Variants in PRDX4 observed in about 807,000 individuals in gnomAD.
PRDX4 encodes peroxiredoxin 4.
Under a neutral mutation model 20.5 loss-of-function variants are expected in PRDX4, and 12 were observed. That is an observed-to-expected ratio of 0.58 (90% CI 0.37 to 0.95). PRDX4 has a LOEUF of 0.95. Ranked by LOEUF, PRDX4 falls within the 40% of genes least tolerant of loss-of-function variation. The probability of loss-of-function intolerance (pLI) is 0.01; values close to 1 mark genes in which losing one functional copy is unlikely to be tolerated. For missense variants in PRDX4, 180 were observed against 207.3 expected (o/e 0.87, Z 0.81); for synonymous variants, 99 against 87.5 (o/e 1.13, Z -0.73).
intron 6 of PRDX4, among the ~76,000 whole-genome samples, chrX:23,685,251 G>C (rs1367335115): frequency 8.9e-6 from 1 of 112,188 alleles, no homozygotes; most frequent in Admixed American, 9.5e-5. Context: ...TGTGATTGGA[G>C]ATGATGTTTT....
chrX:23,669,249 G>C (rs775804062), intron 1 of PRDX4, among the ~76,000 whole-genome samples: 4 of 112,163 alleles, frequency 3.6e-5, no homozygotes, highest in Non-Finnish European at 7.5e-5. Context: ...AACAAAACCA[G>C]TCTTAAATTT....
Position 23,671,592 on chromosome X carries a change from A to T in PRDX4, c.305A>T (p.Lys102Met), listed in dbSNP as rs768526390. The T allele has an allele frequency of 2.5e-6, 3 of 1,207,334 alleles. No individual in the cohort carries two copies. Among genetic ancestry groups the T allele is most frequent in the Non-Finnish European group, 3.4e-6 (3 of 894,201 alleles). Residue 102 changes from lysine (K) to methionine (M), a missense_variant, in exon 2 of 7, where the codon AAG becomes ATG. By Grantham distance (95) the Lys-to-Met change is moderately conservative. Around this residue, in one of 3 missense-constraint regions of PRDX4, gnomAD observed 105 missense variants for 114.2 expected, o/e 0.92. Transcript: ENST00000379341. The part of the protein sequence containing the change: ...AVIDGEFKEL[K>M]LTDYRGKYLV... ...ATCGATGGAGAATTTAAGGAGCTGA[A>T]GTTAACTGATTATCGTGGGAAATAC...
intron 6 of PRDX4, among the ~76,000 whole-genome samples, chrX:23,684,320 C>T (rs982283128): frequency 9.1e-6 from 1 of 110,130 alleles, no homozygotes; most frequent in African/African-American, 3.3e-5. Flanking sequence ...TCTTATAGGT[C>T]ATGTATCGAA....
chrX:23,667,781 G>T lies in PRDX4; in HGVS notation c.211G>T (p.Asp71Tyr), dbSNP rs769435624. 24 of 1,211,422 alleles carry T rather than the reference G, an allele frequency of 2.0e-5. No homozygotes were observed. The East Asian group carries it at 4.4e-4, about 22-fold the overall frequency. Residue 71 changes from aspartate to tyrosine, a missense_variant, in exon 1 of 7, where the codon GAC (aspartate) becomes TAC (tyrosine). This residue lies in a region of PRDX4 where 105 missense variants were observed against 114.2 expected (regional missense o/e 0.92). Transcript: ENST00000379341. ...PGEASRVSVADHSLHLSKAKI... is the reference protein window; with the variant it reads ...PGEASRVSVAYHSLHLSKAKI... ...AGAGGCATCCCGGGTATCGGTCGCC[G>T]ACCACTCCCTGCACCTAAGCAAAGC... is the stretch of plus-strand genomic sequence containing the variant.
At chrX:23,668,931 T>A (rs1601788292) in intron 1 of PRDX4, among the ~76,000 whole-genome samples, 2 of 102,745 alleles carry the variant, frequency 1.9e-5, no homozygotes, top group African/African-American at 3.7e-5. Context: ...TTTTTTTTTT[T>A]ATTTGAGATG....
chrX:23,671,229 G>A (rs1293389756), intron 1 of PRDX4, among the ~76,000 whole-genome samples: 2 of 111,944 alleles, frequency 1.8e-5, no homozygotes, highest in Non-Finnish European at 3.8e-5. Context: ...ATCTTACGTA[G>A]TTGTCAGATT....
At chrX:23,684,427 GATA>G (rs1928146832) in intron 6 of PRDX4, among the ~76,000 whole-genome samples, 1 of 111,527 alleles carries the variant, frequency 9.0e-6, no homozygotes, top group South Asian at 3.7e-4. Flanking sequence ...TAATACTGAA[GATA>G]ATGATTCTCT....
At chrX:23,667,875 C>G (rs903519625) in intron 1 of PRDX4, 64 bp downstream of exon 1, 2 of 1,177,892 alleles carry the variant, frequency 1.7e-6, no homozygotes, top group East Asian at 3.0e-5. Flanking sequence ...CCCGGTTACA[C>G]CCCCGGAATC....
Position 23,682,511 on chromosome X carries a change from G to T in PRDX4, c.715G>T (p.Asp239Tyr). ...LRLVQAFQYT[D>Y]KHGEVCPAGW... is the part of the protein sequence containing the mutation. ...TTTGGTTCAAGCATTCCAGTACACTGACAAACACGGAGAAGGTACCTCTCC... is the reference window on the plus strand; with the variant it reads ...TTTGGTTCAAGCATTCCAGTACACTTACAAACACGGAGAAGGTACCTCTCC... The change falls in exon 5 of 7, where the codon GAC (aspartate) becomes TAC (tyrosine). Residue 239 changes from aspartate to tyrosine, a missense_variant. By Grantham distance (160) the Asp-to-Tyr change is radical (BLOSUM62 -3). This residue lies in a region of PRDX4 where 73 missense variants were observed against 76.5 expected (regional missense o/e 0.95). Coordinates refer to ENST00000379341, the MANE Select transcript of PRDX4 (RefSeq NM_006406.2). The T allele has an allele frequency of 8.6e-7, 1 of 1,165,007 alleles. No homozygotes were observed. The highest frequency in any genetic ancestry group is 1.9e-5 in the South Asian group (1 of 51,499).
intron 4 of PRDX4, among the ~76,000 whole-genome samples, chrX:23,679,755 G>A (rs181123097): frequency 9.1e-6 from 1 of 110,098 alleles, no homozygotes; most frequent in East Asian, 2.9e-4. Context: ...GAGGGGGGCA[G>A]ATCATGATGT....
chrX:23,672,984 T>A (rs1927875517), intron 2 of PRDX4, among the ~76,000 whole-genome samples: 1 of 112,407 alleles, frequency 8.9e-6, no homozygotes, highest in Non-Finnish European at 1.9e-5. Context: ...ACTCATATTG[T>A]GACTTGATTT....
intron 3 of PRDX4, 200 bp downstream of exon 3, chrX:23,675,306 A>T (rs1243919314): frequency 1.2e-6 from 1 of 812,824 alleles, no homozygotes; most frequent in African/African-American, 2.1e-5. Flanking sequence ...AGCTGCTATA[A>T]TAAAAATGCT....
intron 2 of PRDX4, among the ~76,000 whole-genome samples, chrX:23,672,983 G>T (rs1261896204): frequency 8.9e-6 from 1 of 111,929 alleles, no homozygotes; most frequent in East Asian, 2.8e-4. Flanking sequence ...AACTCATATT[G>T]TGACTTGATT....
At chrX:23,677,557 G>A (rs1345614004) in intron 3 of PRDX4, among the ~76,000 whole-genome samples, 14 of 112,080 alleles carry the variant, frequency 1.2e-4, no homozygotes, top group Non-Finnish European at 3.8e-5. Flanking sequence ...AGTGAAGACT[G>A]AGGCATCTGA....
chrX:23,668,536 G>A (rs1341400776), intron 1 of PRDX4, among the ~76,000 whole-genome samples: 1 of 112,557 alleles, frequency 8.9e-6, no homozygotes, highest in East Asian at 2.8e-4. Context: ...CCACTTTCAG[G>A]AATGACACGT....
chrX:23,675,357 A>C (rs772811161), intron 3 of PRDX4: 9 of 517,117 alleles, frequency 1.7e-5, no homozygotes, highest in Non-Finnish European at 2.7e-5. Context: ...GGGAAAAGTT[A>C]AATGCAATAG....
chrX:23,682,877 T>TATATATATAA (rs1431021204), intron 5 of PRDX4, among the ~76,000 whole-genome samples: 37 of 65,522 alleles, frequency 5.6e-4, no homozygotes, highest in African/African-American at 1.9e-3. Flanking sequence ...TATATATATA[T>TATATATATAA]AAACTAATAT....
At chrX:23,681,768 T>C (rs1428821846) in intron 4 of PRDX4, among the ~76,000 whole-genome samples, 1 of 112,247 alleles carries the variant, frequency 8.9e-6, no homozygotes, top group Non-Finnish European at 1.9e-5. Context: ...AGGCCGGGCA[T>C]GGTGGCTCAC....
chrX:23,668,854 C>T (rs1927784002), intron 1 of PRDX4, among the ~76,000 whole-genome samples: 1 of 110,774 alleles, frequency 9.0e-6, no homozygotes, highest in Non-Finnish European at 1.9e-5. Flanking sequence ...CTGTTTTGTC[C>T]TCTTAAACAT....
Sources: allele counts gnomAD v4.1 joint callset (sites outside exome capture counted in the v4.1 genomes callset), GRCh38; gene constraint gnomAD v4.1.1; regional missense constraint gnomAD v4.1.1; transcripts MANE v1.5; gene names NCBI Gene and HGNC (gene_info 2026-07-23, HGNC 2026-07-21).